The following ZNF236 variants were observed in gnomAD, a reference collection of about 807,000 sequenced individuals.
ZNF236 encodes the protein regulated by glucose.
A neutral mutation model predicts 191.2 loss-of-function variants in ZNF236; 50 were observed. The ratio of observed to expected loss-of-function variants is 0.26; its 90% CI spans 0.21 to 0.33. The LOEUF (loss-of-function observed/expected upper bound fraction) is 0.33, where lower values mean the gene tolerates loss of function less well. Among genes scored for constraint, ZNF236 ranks in the 10% least tolerant of loss-of-function variants. The pLI, the probability that ZNF236 is intolerant of heterozygous loss-of-function variation, is 1.00. For missense variants in ZNF236, 1,754 were observed against 2,374.5 expected (o/e 0.74, Z 5.43); for synonymous variants, 907 against 928.8 (o/e 0.98, Z 0.43).
intron 3 of ZNF236, among the ~76,000 whole-genome samples, chr18:76,857,974 T>G (rs1020476285): frequency 1.3e-5 from 2 of 152,212 alleles, no homozygotes; most frequent in Non-Finnish European, 2.9e-5. Context: ...TTACGTTTCT[T>G]AAGTATTTTA....
chr18:76,925,627 C>G lies in ZNF236; in HGVS notation c.4027+73C>G, dbSNP rs1019485240. The stretch of plus-strand genomic sequence containing the variant: ...TCTGTGCTGCTTCTGTCTGTTCCCA[C>G]GACAGAAGAGATGTTGTTTACCGTA... On this transcript the variant is annotated intron_variant, in intron 22 of 30. Coordinates refer to ENST00000320610, the MANE Select transcript of ZNF236 (RefSeq NM_001306089.2). This position sits in a 1 kb window ranked among gnomAD's most constrained non-coding sequence, Gnocchi z 5.7. 13 of 1,526,584 alleles carry G rather than the reference C, an allele frequency of 8.5e-6. No homozygotes were observed. Among genetic ancestry groups the G allele is most frequent in the Middle Eastern group, 1.8e-4 (1 of 5,710 alleles). The allele number at this position is 1,526,584 out of a possible 1,614,324, so 94.6% of individuals were successfully genotyped here. A position where few individuals can be genotyped will look rare whatever the true frequency, so the allele number is the denominator to read the frequency against.
intron 26 of ZNF236, among the ~76,000 whole-genome samples, chr18:76,940,621 G>A (rs1476291222): frequency 6.6e-6 from 1 of 152,236 alleles, no homozygotes; most frequent in South Asian, 2.1e-4. Flanking sequence ...ATTTATTTCA[G>A]TGATTATGAG....
intron 21 of ZNF236, 58 bp downstream of exon 21, chr18:76,923,232 T>G: frequency 8.3e-7 from 1 of 1,207,484 alleles, no homozygotes; most frequent in Non-Finnish European, 1.2e-6. Context: ...TTCGTATGTT[T>G]TGTTCCTATA....
intron 11 of ZNF236, among the ~76,000 whole-genome samples, chr18:76,900,966 C>T (rs1168467475): frequency 6.6e-6 from 1 of 152,136 alleles, no homozygotes; most frequent in African/African-American, 2.4e-5. Context: ...AGCCTAGATC[C>T]CTCACATGCA....
At chr18:76,846,799 CTT>C (rs558530091) in intron 1 of ZNF236, among the ~76,000 whole-genome samples, 4 of 143,390 alleles carry the variant, frequency 2.8e-5, no homozygotes, top group Non-Finnish European at 3.1e-5. Context: ...CAACATTTTT[CTT>C]TTTTTTTTTT....
chr18:76,829,475 G>A (rs1975107765), intron 1 of ZNF236, among the ~76,000 whole-genome samples: 1 of 151,856 alleles, frequency 6.6e-6, no homozygotes, highest in African/African-American at 2.4e-5. Flanking sequence ...CTACACCCTC[G>A]TGCTACTACG....
At position 76,960,965 on chromosome 18, in the gene ZNF236, G is replaced by C. The variant is rs141473418; in HGVS notation, c.5419+110G>C. 5 of 1,220,682 alleles carry C rather than the reference G, an allele frequency of 4.1e-6. No homozygotes were observed. The highest frequency in any genetic ancestry group is 2.8e-4 in the Middle Eastern group (1 of 3,542). The allele number at this position is 1,220,682 out of a possible 1,614,324, so 75.6% of individuals were successfully genotyped here. On this transcript the variant is annotated intron_variant, in intron 30 of 30. Transcript: ENST00000320610. The surrounding 1 kb of genome is among the most constrained non-coding windows in gnomAD (Gnocchi z 4.4). ...ACACAGTGATTTTGCATTGCACGTG[G>C]TACAGCCTCAGTTGTGTGGACTGGA...
chr18:76,968,839 A>G lies in ZNF236; in HGVS notation c.*500A>G, dbSNP rs1568252904. 3.0e-6 allele frequency: 3 copies of G among 987,152 alleles called. No individual in the cohort carries two copies. Among genetic ancestry groups the G allele is most frequent in the East Asian group, 1.1e-4 (1 of 8,824 alleles). The allele number at this position is 987,152 out of a possible 1,614,324, so 61.1% of individuals were successfully genotyped here. On this transcript the variant is annotated 3_prime_UTR_variant, in exon 31 of 31. Transcript: ENST00000320610. ...GTTTTTTCCACTCTTTTCTCTGTGCATTTTGAAAATTAGTCAAAATGGACT... is the reference window on the plus strand; with the variant it reads ...GTTTTTTCCACTCTTTTCTCTGTGCGTTTTGAAAATTAGTCAAAATGGACT...
At chr18:76,939,409 G>C (rs1968076131) in intron 26 of ZNF236, among the ~76,000 whole-genome samples, 1 of 152,182 alleles carries the variant, frequency 6.6e-6, no homozygotes, top group African/African-American at 2.4e-5. Flanking sequence ...CTAGATGCAA[G>C]AAGCATGATG....
At chr18:76,937,458 G>A (rs1968033188) in intron 26 of ZNF236, 115 bp downstream of exon 26, 6 of 1,026,694 alleles carry the variant, frequency 5.8e-6, no homozygotes, top group Middle Eastern at 3.0e-4. Context: ...CCCCAAAATC[G>A]AAGCATTTTT....
At chr18:76,848,639 C>A (rs1213398383) in intron 1 of ZNF236, among the ~76,000 whole-genome samples, 1 of 152,132 alleles carries the variant, frequency 6.6e-6, no homozygotes, top group African/African-American at 2.4e-5. Flanking sequence ...TCCTGAACCT[C>A]CTAAGCCATG....
chr18:76,831,867 C>T (rs190037093), intron 1 of ZNF236, among the ~76,000 whole-genome samples: 18 of 152,058 alleles, frequency 1.2e-4, no homozygotes, highest in African/African-American at 4.1e-4. Context: ...GGCTGTATGC[C>T]GTTTTATTAC....
chr18:76,875,362 G>A lies in ZNF236; in HGVS notation c.668-130G>A. On this transcript the variant is annotated intron_variant, in intron 5 of 30. Transcript: ENST00000320610. This position sits in a 1 kb window ranked among gnomAD's most constrained non-coding sequence, Gnocchi z 4.3. ...ATTTAAAGTAGACACTTGTATATAT[G>A]CATCTAGAGTTCTGGGGAGACATTT... 1.3e-6 allele frequency: 1 copy of A among 759,536 alleles called. No individual in the cohort carries two copies. The highest frequency in any genetic ancestry group is 1.9e-6 in the Non-Finnish European group (1 of 524,914). The allele number at this position is 759,536 out of a possible 1,614,324, so 47.0% of individuals were successfully genotyped here. A position where few individuals can be genotyped will look rare whatever the true frequency, so the allele number is the denominator to read the frequency against.
chr18:76,842,214 T>C, intron 1 of ZNF236, among the ~76,000 whole-genome samples: 1 of 140,042 alleles, frequency 7.1e-6, no homozygotes, highest in African/African-American at 2.6e-5. Flanking sequence ...CCACCCCCCA[T>C]AAAGATTATT....
rs1483700628 is a variant in ZNF236 at position 76,968,503 on chromosome 18, A to C, written c.*164A>C. ...TCATTGTCTTTCAGAGACTCATAGG[A>C]AAAAAAAACTAGGAAAAGTGTCACC... On this transcript the variant is annotated 3_prime_UTR_variant, in exon 31 of 31. Coordinates refer to ENST00000320610, the MANE Select transcript of ZNF236 (RefSeq NM_001306089.2). 1 of 1,381,158 alleles carries C rather than the reference A, an allele frequency of 7.2e-7. No homozygotes were observed. Among genetic ancestry groups the C allele is most frequent in the South Asian group, 1.7e-5 (1 of 59,888 alleles). 85.6% of individuals were successfully genotyped at this position (1,381,158 alleles called of 1,614,324 possible). A position where few individuals can be genotyped will look rare whatever the true frequency, so the allele number is the denominator to read the frequency against.
intron 1 of ZNF236, among the ~76,000 whole-genome samples, chr18:76,826,173 G>A (rs142967938): frequency 0.019 from 2,897 of 151,752 alleles, 83 homozygotes; most frequent in African/African-American, 0.066. Context: ...GTGCAGTGGC[G>A]CGATCTTGTC....
chr18:76,918,388 G>A (rs575261839), intron 19 of ZNF236, among the ~76,000 whole-genome samples: 2 of 152,124 alleles, frequency 1.3e-5, no homozygotes, highest in African/African-American at 4.8e-5. Flanking sequence ...GCCATCTCTA[G>A]ATCACTTATA....
chr18:76,856,325 G>A (rs1976040288), intron 3 of ZNF236, among the ~76,000 whole-genome samples: 1 of 152,100 alleles, frequency 6.6e-6, no homozygotes, highest in African/African-American at 2.4e-5. Context: ...TGGAATTGTA[G>A]GCACCTGCCA....
chr18:76,873,192 T>G (rs567084832), intron 5 of ZNF236, among the ~76,000 whole-genome samples: 39 of 152,348 alleles, frequency 2.6e-4, no homozygotes, highest in Middle Eastern at 3.4e-3. Flanking sequence ...AAAGTAGAGA[T>G]AAAGTAAAAA....
Sources: gnomAD v4.1 joint callset for allele counts (sites outside exome capture counted in the v4.1 genomes callset) on GRCh38, gnomAD v4.1.1 for gene constraint, Gnocchi (gnomAD v3.1) non-coding constraint, MANE v1.5 for transcripts, NCBI Gene and HGNC (gene_info 2026-07-23, HGNC 2026-07-21) for gene names.